Variants in SPICE1 observed in about 807,000 individuals in gnomAD.
SPICE1 encodes the protein spindle and centriole associated protein 1.
A neutral mutation model predicts 102.7 loss-of-function variants in SPICE1; 75 were observed. The observed-to-expected ratio is 0.73, with a 90% CI of 0.61 to 0.88. SPICE1 has a LOEUF of 0.88. SPICE1 is among the 40% of genes least tolerant of loss of function. The pLI, the probability that SPICE1 is intolerant of heterozygous loss-of-function variation, is 0.00. For synonymous variants in SPICE1, 308 were observed against 350.3 expected, an observed-to-expected ratio of 0.88 and a Z score of 1.35; for missense variants, 979 against 1,020.1, an observed-to-expected ratio of 0.96 and a Z score of 0.55.
In SPICE1 at chr3:113,506,600, T is replaced by C. The variant is rs756081201; in HGVS notation, c.6A>G (p.Ser2=). 1.2e-5 allele frequency: 19 copies of C among 1,611,324 alleles called. No homozygotes were observed. Among genetic ancestry groups the C allele is most frequent in the Admixed American group, 1.7e-5 (1 of 59,880 alleles). M[S]FVRVNRCGPR... is the part of the protein sequence containing the mutation. ...GACCACAGCGGTTCACTCTGACAAA[T>C]GACATCTAGGAATAATAATCACATC... Residue 2 remains serine (S), a synonymous_variant, in exon 2 of 18, where the codon TCA becomes TCG. Transcript: ENST00000295872.
intron 5 of SPICE1, among the ~76,000 whole-genome samples, chr3:113,493,661 C>T (rs886425990): frequency 6.6e-6 from 1 of 152,160 alleles, no homozygotes; most frequent in Non-Finnish European, 1.5e-5. Context: ...AAACAATGAA[C>T]TACACACACA....
chr3:113,495,499 G>C (rs1338323003), intron 4 of SPICE1, among the ~76,000 whole-genome samples: 2 of 152,162 alleles, frequency 1.3e-5, no homozygotes, highest in Non-Finnish European at 2.9e-5. Context: ...AGTAAGCTTT[G>C]GAATGGTATC....
chr3:113,481,572 C>A (rs960145501), intron 7 of SPICE1, among the ~76,000 whole-genome samples: 2 of 152,072 alleles, frequency 1.3e-5, no homozygotes, highest in Non-Finnish European at 2.9e-5. Context: ...CCTAGCCCCC[C>A]CAACCCTCCA....
At chr3:113,471,260 G>T (rs1173850363) in intron 7 of SPICE1, among the ~76,000 whole-genome samples, 1 of 152,168 alleles carries the variant, frequency 6.6e-6, no homozygotes, top group Non-Finnish European at 1.5e-5. Flanking sequence ...TTGAGATGGG[G>T]AGATTATCTT....
At chr3:113,487,077 G>T (rs1034416389) in intron 7 of SPICE1, among the ~76,000 whole-genome samples, 3 of 151,978 alleles carry the variant, frequency 2.0e-5, no homozygotes, top group African/African-American at 7.2e-5. Context: ...AATACAAATA[G>T]AAGCAAATGA....
rs369742090 is a variant in SPICE1, at chr3:113,453,524, T to G, written c.2084A>C (p.Glu695Ala). Residue 695 changes from glutamate to alanine, a missense_variant, in exon 14 of 18, where the codon GAG (glutamate) becomes GCG (alanine). Physicochemically the swap from Glu to Ala is moderately radical, Grantham distance 107. Coordinates refer to ENST00000295872, the MANE Select transcript of SPICE1 (RefSeq NM_144718.4). The stretch of plus-strand genomic sequence containing the variant: ...CAACTCCCGGAGTCCATCCCCTTGC[T>G]CTCCTCTGGGCTCAATAATATTATT... ...HMNNIIEPRG[E>A]QGDGLRELNK... The G allele has an allele frequency of 2.9e-5, 47 of 1,614,062 alleles. No individual in the cohort carries two copies. Among genetic ancestry groups the G allele is most frequent in the Non-Finnish European group, 4.0e-5 (47 of 1,179,942 alleles).
intron 7 of SPICE1, among the ~76,000 whole-genome samples, chr3:113,484,631 A>G (rs955013759): frequency 1.3e-5 from 2 of 151,614 alleles, no homozygotes; most frequent in Admixed American, 6.6e-5. Flanking sequence ...TCATTTAGTT[A>G]TGTACCCAGT....
intron 12 of SPICE1, 124 bp downstream of exon 12, chr3:113,460,493 G>T: frequency 6.9e-7 from 1 of 1,438,978 alleles, no homozygotes. Context: ...CTGTAGTAGT[G>T]ACAATACTGT....
chr3:113,473,390 A>T (rs544587227), intron 7 of SPICE1, among the ~76,000 whole-genome samples: 2 of 152,304 alleles, frequency 1.3e-5, no homozygotes, highest in South Asian at 4.1e-4. Flanking sequence ...GAACTTCCCC[A>T]ATCTAGCAAG....
chr3:113,466,872 C>A (rs1219564525), intron 10 of SPICE1, among the ~76,000 whole-genome samples: 2 of 152,232 alleles, frequency 1.3e-5, no homozygotes, highest in Non-Finnish European at 2.9e-5. Context: ...CATAGTGAGA[C>A]TCTGTCTCTA....
intron 12 of SPICE1, among the ~76,000 whole-genome samples, chr3:113,458,473 C>T (rs557758638): frequency 3.3e-5 from 5 of 152,316 alleles, no homozygotes; most frequent in South Asian, 2.1e-4. Flanking sequence ...CTTGGCCTCC[C>T]GAGGTGCCGG....
intron 12 of SPICE1, chr3:113,459,472 T>C (rs1167156435): frequency 1.0e-6 from 1 of 976,488 alleles, no homozygotes; most frequent in Admixed American, 6.2e-5. Context: ...AAAACAATAA[T>C]TCTACAATAT....
At chr3:113,492,658 A>G (rs1936790176) in intron 6 of SPICE1, among the ~76,000 whole-genome samples, 1 of 152,160 alleles carries the variant, frequency 6.6e-6, no homozygotes, top group Admixed American at 6.5e-5. Flanking sequence ...AATTTTACAT[A>G]ACTTTTCGCA....
At chr3:113,466,496 G>T (rs903965992) in intron 10 of SPICE1, among the ~76,000 whole-genome samples, 1 of 151,820 alleles carries the variant, frequency 6.6e-6, no homozygotes, top group Non-Finnish European at 1.5e-5. Context: ...TGTAGTCCCA[G>T]ATACTCAAGA....
intron 16 of SPICE1, among the ~76,000 whole-genome samples, chr3:113,447,447 G>A (rs1189350111): frequency 6.6e-6 from 1 of 152,136 alleles, no homozygotes; most frequent in Non-Finnish European, 1.5e-5. Context: ...TACACATTCT[G>A]TGGGTTTTCA....
intron 3 of SPICE1, among the ~76,000 whole-genome samples, chr3:113,502,092 T>C (rs911710709): frequency 1.3e-5 from 2 of 152,182 alleles, no homozygotes; most frequent in East Asian, 1.9e-4. Context: ...AGAACTACTA[T>C]GAGCTGGGCG....
At chr3:113,472,848 G>T (rs370136970) in intron 7 of SPICE1, among the ~76,000 whole-genome samples, 1 of 152,168 alleles carries the variant, frequency 6.6e-6, no homozygotes, top group South Asian at 2.1e-4. Context: ...AAACAGAGCA[G>T]AAAAACTGGA....
intron 3 of SPICE1, among the ~76,000 whole-genome samples, chr3:113,501,084 T>C (rs998820259): frequency 3.3e-5 from 5 of 152,104 alleles, no homozygotes; most frequent in Admixed American, 3.3e-4. Flanking sequence ...TGAAATAGAA[T>C]TGAGAGTGCT....
chr3:113,490,457 C>T lies in SPICE1; in HGVS notation c.493-1394G>A, dbSNP rs116746058. ...AAGAGTTTGAGACCAGCTTGGGCAACGTGGCAAAACCCCGTCTCCACCAAA... is the reference window on the plus strand; with the variant it reads ...AAGAGTTTGAGACCAGCTTGGGCAATGTGGCAAAACCCCGTCTCCACCAAA... On this transcript the variant is annotated intron_variant, in intron 6 of 17. Transcript: ENST00000295872. Among the ~76,000 whole-genome samples the T allele has an allele frequency of 8.4e-3, 1,276 of 152,088 alleles. 15 individuals are homozygous for T. The highest frequency in any genetic ancestry group is 0.021 in the African/African-American group (859 of 41,492).
Sources: allele counts gnomAD v4.1 joint callset (sites outside exome capture counted in the v4.1 genomes callset), GRCh38; gene constraint gnomAD v4.1.1; transcripts MANE v1.5; gene names NCBI Gene and HGNC (gene_info 2026-07-23, HGNC 2026-07-21).